The following MFHAS1 variants were observed in gnomAD, a reference collection of about 807,000 sequenced individuals.
The protein encoded by MFHAS1 is multifunctional ROCO family signaling regulator 1.
A neutral mutation model predicts 70.4 loss-of-function variants in MFHAS1; 50 were observed. That is an observed-to-expected ratio of 0.71 (90% CI 0.57 to 0.90). The LOEUF (loss-of-function observed/expected upper bound fraction) is 0.90, where lower values mean the gene tolerates loss of function less well. MFHAS1 is among the 40% of genes least tolerant of loss of function. The pLI, the probability that MFHAS1 is intolerant of heterozygous loss-of-function variation, is 0.00. For missense variants in MFHAS1, 1,795 were observed against 1,347.6 expected (o/e 1.33, Z -5.20); for synonymous variants, 952 against 620.0 (o/e 1.54, Z -7.96).
rs1313239853 is a variant in MFHAS1 at position 8,892,871 on chromosome 8, C to T, written c.188G>A (p.Gly63Glu). 2 of 1,587,850 alleles carry T rather than the reference C, an allele frequency of 1.3e-6. No individual in the cohort carries two copies. Among genetic ancestry groups the T allele is most frequent in the Non-Finnish European group, 1.7e-6 (2 of 1,168,980 alleles). ...SPQLVLPANL[G>E]DIEALNLGNN... ...CCCCAGGTTCAGTGCCTCAATGTCC[C>T]CGAGGTTGGCCGGCAGCACGAGCTG... Residue 63 changes from glycine (G) to glutamate (E), a missense_variant, in exon 1 of 3, where the codon GGG becomes GAG. Transcript: ENST00000276282. This position sits in a 1 kb window ranked among gnomAD's most constrained non-coding sequence, Gnocchi z 4.7.
chr8:8,824,647 G>GC (rs1474600130), intron 1 of MFHAS1, among the ~76,000 whole-genome samples: 1 of 151,950 alleles, frequency 6.6e-6, no homozygotes, highest in Non-Finnish European at 1.5e-5. Context: ...ATAAGATCCT[G>GC]CCCTCAAATC....
chr8:8,887,454 C>G (rs755812956), intron 1 of MFHAS1, among the ~76,000 whole-genome samples: 4 of 151,140 alleles, frequency 2.6e-5, no homozygotes, highest in Admixed American at 6.6e-5. Context: ...TTCTACTATT[C>G]TATACCCTCT....
At chr8:8,849,407 G>A (rs1459320722) in intron 1 of MFHAS1, among the ~76,000 whole-genome samples, 1 of 152,124 alleles carries the variant, frequency 6.6e-6, no homozygotes, top group Non-Finnish European at 1.5e-5. Context: ...TGAAAGCCTT[G>A]CAGAAAGTAA....
chr8:8,786,334 C>G (rs1805541203), intron 2 of MFHAS1, among the ~76,000 whole-genome samples: 1 of 152,136 alleles, frequency 6.6e-6, no homozygotes, highest in African/African-American at 2.4e-5. Flanking sequence ...ATCACTTATT[C>G]CACTGTAATT....
In MFHAS1 at chr8:8,890,144, T is replaced by A. The variant is rs767718786; in HGVS notation, c.2915A>T (p.Glu972Val). The part of the protein sequence containing the change: ...LVEELNVLLQ[E>V]WPGLHYTVHI... The stretch of plus-strand genomic sequence containing the variant: ...CACGGTGTAGTGCAGTCCAGGCCAT[T>A]CCTGAAGTAGGACATTCAGTTCCTC... The change falls in exon 1 of 3, where the codon GAA (glutamate) becomes GTA (valine). Residue 972 changes from glutamate to valine, a missense_variant. By Grantham distance (121) the Glu-to-Val change is moderately radical. Coordinates refer to ENST00000276282, the MANE Select transcript of MFHAS1 (RefSeq NM_004225.3). 6.2e-7 allele frequency: 1 copy of A among 1,614,174 alleles called. No homozygotes were observed. Among genetic ancestry groups the A allele is most frequent in the Non-Finnish European group, 8.5e-7 (1 of 1,180,034 alleles).
At chr8:8,792,238 A>C (rs1449513166) in intron 2 of MFHAS1, among the ~76,000 whole-genome samples, 1 of 150,918 alleles carries the variant, frequency 6.6e-6, no homozygotes, top group East Asian at 1.9e-4. Flanking sequence ...CTCTGTCCCA[A>C]AACAAAAGCT....
chr8:8,877,689 G>A (rs957858755), intron 1 of MFHAS1, among the ~76,000 whole-genome samples: 10 of 152,274 alleles, frequency 6.6e-5, no homozygotes, highest in African/African-American at 2.2e-4. Context: ...ACTTGATTAT[G>A]AGTCTGAGCA....
chr8:8,867,277 TG>T (rs1331550567), intron 1 of MFHAS1, among the ~76,000 whole-genome samples: 1 of 152,214 alleles, frequency 6.6e-6, no homozygotes, highest in African/African-American at 2.4e-5. Context: ...ATAAACTTTT[TG>T]TTACATTTTT....
chr8:8,794,343 C>G (rs1259753922), intron 2 of MFHAS1, among the ~76,000 whole-genome samples: 1 of 152,172 alleles, frequency 6.6e-6, no homozygotes, highest in Non-Finnish European at 1.5e-5. Flanking sequence ...TTGACTTAAG[C>G]ACAGATTCTT....
At chr8:8,838,925 T>G (rs1018064769) in intron 1 of MFHAS1, among the ~76,000 whole-genome samples, 12 of 152,160 alleles carry the variant, frequency 7.9e-5, no homozygotes, top group Non-Finnish European at 1.5e-4. Flanking sequence ...CAATGACAAC[T>G]AAGCAAAGGC....
At chr8:8,811,565 G>A (rs927471625) in intron 1 of MFHAS1, among the ~76,000 whole-genome samples, 3 of 152,274 alleles carry the variant, frequency 2.0e-5, no homozygotes, top group South Asian at 2.1e-4. Context: ...GGCGTGAGCC[G>A]CCATGCCTGG....
chr8:8,797,314 A>T (rs1403198107), intron 2 of MFHAS1, 51 bp downstream of exon 2: 1 of 1,605,772 alleles, frequency 6.2e-7, no homozygotes, highest in Non-Finnish European at 8.5e-7. Context: ...ATATCTATGG[A>T]GCTGGGATCA....
At chr8:8,791,616 T>C (rs1805722259) in intron 2 of MFHAS1, among the ~76,000 whole-genome samples, 2 of 152,166 alleles carry the variant, frequency 1.3e-5, no homozygotes, top group South Asian at 2.1e-4. Context: ...AATGGAATAT[T>C]GGGTCTCAAC....
chr8:8,810,969 G>T (rs778425092), intron 1 of MFHAS1, among the ~76,000 whole-genome samples: 2 of 152,114 alleles, frequency 1.3e-5, no homozygotes. Flanking sequence ...AAACCCACAG[G>T]CTTGCAATCG....
chr8:8,876,505 C>A (rs1330701216), intron 1 of MFHAS1, among the ~76,000 whole-genome samples: 1 of 151,900 alleles, frequency 6.6e-6, no homozygotes, highest in Non-Finnish European at 1.5e-5. Flanking sequence ...GAGGATGAGG[C>A]AGGCAGACTG....
chr8:8,877,885 T>G (rs1209319401), intron 1 of MFHAS1, among the ~76,000 whole-genome samples: 1 of 152,138 alleles, frequency 6.6e-6, no homozygotes, highest in Non-Finnish European at 1.5e-5. Flanking sequence ...AGTCTCTCCC[T>G]TACTATAATT....
Position 8,786,016 on chromosome 8 carries a change from C to A in MFHAS1, c.*6G>T. 3 of 1,614,120 alleles carry A rather than the reference C, an allele frequency of 1.9e-6. No homozygotes were observed. Among genetic ancestry groups the A allele is most frequent in the Non-Finnish European group, 2.5e-6 (3 of 1,180,000 alleles). ...TTTCTCCATGGAAATTCCACAGCCA[C>A]AAACGTCACTGGTTTCTGTGCTTTT... On this transcript the variant is annotated 3_prime_UTR_variant, in exon 3 of 3. Transcript: ENST00000276282.
chr8:8,799,761 G>C (rs570344283), intron 1 of MFHAS1, among the ~76,000 whole-genome samples: 3 of 152,292 alleles, frequency 2.0e-5, no homozygotes, highest in South Asian at 4.1e-4. Context: ...GTCTCAAAGA[G>C]CAAAAGAAAA....
chr8:8,881,142 GA>G (rs993867821), intron 1 of MFHAS1, among the ~76,000 whole-genome samples: 4 of 152,048 alleles, frequency 2.6e-5, no homozygotes, highest in African/African-American at 9.7e-5. Context: ...TACAGCAAAA[GA>G]AAAAAACTTG....
Sources: gnomAD v4.1 joint callset for allele counts (sites outside exome capture counted in the v4.1 genomes callset) on GRCh38, gnomAD v4.1.1 for gene constraint, Gnocchi (gnomAD v3.1) non-coding constraint, MANE v1.5 for transcripts, NCBI Gene and HGNC (gene_info 2026-07-23, HGNC 2026-07-21) for gene names.